Variants in TRMT2B observed in about 807,000 individuals in gnomAD.
The protein encoded by TRMT2B is tRNA (uracil-5-)-methyltransferase homolog B.
Under a neutral mutation model 39.7 loss-of-function variants are expected in TRMT2B, and 34 were observed. The ratio of observed to expected loss-of-function variants is 0.86; its 90% CI spans 0.65 to 1.14. TRMT2B has a LOEUF of 1.14. Ranked by LOEUF, TRMT2B falls within the 50% of genes most tolerant of loss-of-function variation. The pLI is 0.00. For synonymous variants in TRMT2B, 132 were observed against 137.3 expected (o/e 0.96, Z 0.27); for missense variants, 318 against 377.2 (o/e 0.84, Z 1.30).
At chrX:101,047,689 G>A (rs2088776496) in intron 2 of TRMT2B, among the ~76,000 whole-genome samples, 2 of 110,381 alleles carry the variant, frequency 1.8e-5, no homozygotes, top group African/African-American at 3.3e-5. Flanking sequence ...AAAATTAGCC[G>A]GGCATGGTGG....
chrX:100,998,533 C>T, the TRMT2B span, among the ~76,000 whole-genome samples: 144 of 76,465 alleles, frequency 1.9e-3, 2 homozygotes, highest in African/African-American at 7.6e-3. Flanking sequence ...CCAGCCTGGG[C>T]GACAGAGCGA....
chrX:101,040,218 CGGG>C (rs202153659), intron 4 of TRMT2B, among the ~76,000 whole-genome samples: 4,376 of 108,897 alleles, frequency 0.04, 103 homozygotes, highest in Non-Finnish European at 0.062. Context: ...CACTTGAACC[CGGG>C]AGACAGAGGT....
the TRMT2B span, chrX:100,986,964 T>G: frequency 5.3e-4 from 412 of 782,149 alleles, 2 homozygotes; most frequent in South Asian, 1.3e-3. Context: ...CCTTGGCCCA[T>G]TCTATAGTCA....
chrX:101,028,820 G>T (rs1020809585), intron 7 of TRMT2B, among the ~76,000 whole-genome samples: 5 of 110,948 alleles, frequency 4.5e-5, no homozygotes, highest in Admixed American at 1.9e-4. Context: ...TCCCCTTGCT[G>T]TTCTGGTGAT....
At chrX:101,011,326 AAC>A (rs371076294) in intron 13 of TRMT2B, among the ~76,000 whole-genome samples, 2 of 112,239 alleles carry the variant, frequency 1.8e-5, no homozygotes, top group African/African-American at 6.5e-5. Context: ...AGACAACTGT[AAC>A]ACAGTGGTAA....
chrX:101,037,310 T>C, intron 5 of TRMT2B: 1 of 376,361 alleles, frequency 2.7e-6, no homozygotes, highest in Non-Finnish European at 4.6e-6. Flanking sequence ...AAAGAGTAAA[T>C]AATTTAGGGC....
At chrX:100,993,810 C>T in the TRMT2B span, among the ~76,000 whole-genome samples, 125 of 111,650 alleles carry the variant, frequency 1.1e-3, no homozygotes, top group African/African-American at 3.8e-3. Context: ...TGTGTTGCTA[C>T]AGGCTGTTAA....
chrX:100,992,483 C>T, the TRMT2B span, among the ~76,000 whole-genome samples: 1 of 110,481 alleles, frequency 9.1e-6, no homozygotes, highest in African/African-American at 3.3e-5. Context: ...TGGGAGGCTG[C>T]GGTCGGAGAA....
chrX:100,982,405 T>C, the TRMT2B span, among the ~76,000 whole-genome samples: 2 of 109,999 alleles, frequency 1.8e-5, no homozygotes, highest in African/African-American at 6.6e-5. Context: ...GGTAGGAGAA[T>C]TGCTTGAACT....
chrX:101,001,891 T>C, the TRMT2B span, among the ~76,000 whole-genome samples: 1 of 105,996 alleles, frequency 9.4e-6, no homozygotes, highest in African/African-American at 3.5e-5. Context: ...CACTGTCAAC[T>C]CCAATTTGGA....
chrX:100,993,225 C>T, the TRMT2B span, among the ~76,000 whole-genome samples: 1 of 112,013 alleles, frequency 8.9e-6, no homozygotes, highest in Non-Finnish European at 1.9e-5. Context: ...GCTGGCAGAG[C>T]TGCTCCTAAA....
chrX:101,000,051 C>T, the TRMT2B span, among the ~76,000 whole-genome samples: 1 of 111,483 alleles, frequency 9.0e-6, no homozygotes, highest in Non-Finnish European at 1.9e-5. Flanking sequence ...GAGTGGGAAT[C>T]AGGCTGAGGA....
intron 7 of TRMT2B, among the ~76,000 whole-genome samples, chrX:101,025,972 A>AAAGG (rs763849254): frequency 1.6e-4 from 17 of 105,522 alleles, no homozygotes; most frequent in Non-Finnish European, 3.3e-4. Context: ...AGAAAGAAAG[A>AAAGG]AAGAAGAAGA....
Position 101,041,359 on chromosome X carries a change from A to G in TRMT2B, c.261T>C (p.Val87=). The change falls in exon 4 of 14, where the codon GTT becomes GTC. Residue 87 remains valine (V), a synonymous_variant. Transcript: ENST00000372936. ...AGCTCAACCTCCAGAGTGGTGTCACAACATCAGCCAGCCTTGAATAAAATA... is the reference window on the plus strand; with the variant it reads ...AGCTCAACCTCCAGAGTGGTGTCACGACATCAGCCAGCCTTGAATAAAATA... The part of the protein sequence containing the change: ...DGSWQERLAD[V]VTPLWRLSYE... 1 of 1,208,833 alleles carries G rather than the reference A, an allele frequency of 8.3e-7. No individual in the cohort carries two copies. The highest frequency in any genetic ancestry group is 1.1e-6 in the Non-Finnish European group (1 of 893,936).
chrX:101,024,100 G>A (rs2086935258), intron 7 of TRMT2B, among the ~76,000 whole-genome samples: 1 of 111,042 alleles, frequency 9.0e-6, no homozygotes, highest in Non-Finnish European at 1.9e-5. Context: ...CTCCTGCCTC[G>A]GCCTCCTAAA....
At chrX:100,978,910 T>A in the TRMT2B span, among the ~76,000 whole-genome samples, 1 of 110,376 alleles carries the variant, frequency 9.1e-6, no homozygotes, top group Non-Finnish European at 1.9e-5. Context: ...TATAACCCAT[T>A]TTTTTTTAAT....
the TRMT2B span, among the ~76,000 whole-genome samples, chrX:100,992,354 G>A: frequency 9.0e-6 from 1 of 111,643 alleles, no homozygotes; most frequent in Admixed American, 9.5e-5. Flanking sequence ...GCCAAGGCAG[G>A]TGGATCACTT....
At chrX:100,979,685 A>T in the TRMT2B span, among the ~76,000 whole-genome samples, 1 of 111,535 alleles carries the variant, frequency 9.0e-6, no homozygotes, top group Non-Finnish European at 1.9e-5. Context: ...GTGTCTGGGC[A>T]TTGAAGAGTT....
intron 13 of TRMT2B, among the ~76,000 whole-genome samples, chrX:101,017,873 C>A (rs765803057): frequency 1.8e-5 from 2 of 112,071 alleles, no homozygotes; most frequent in East Asian, 5.6e-4. Flanking sequence ...TCCCACCTTT[C>A]CCACCTTTTT....
Sources: allele counts gnomAD v4.1 joint callset (sites outside exome capture counted in the v4.1 genomes callset), GRCh38; gene constraint gnomAD v4.1.1; transcripts MANE v1.5; gene names NCBI Gene and HGNC (gene_info 2026-07-23, HGNC 2026-07-21).